The following VPS41 variants were observed in gnomAD, a reference collection of about 807,000 sequenced individuals.
The protein encoded by VPS41 is VPS41 subunit of HOPS complex, also known as vacuolar protein sorting-associated protein 41 homolog.
In VPS41, 85 loss-of-function variants were observed where a neutral mutation model predicts 130.9. The observed-to-expected ratio is 0.65, with a 90% CI of 0.55 to 0.78. VPS41 has a LOEUF of 0.78. Ranked by LOEUF, VPS41 falls within the 30% of genes least tolerant of loss-of-function variation. The pLI, the probability that VPS41 is intolerant of heterozygous loss-of-function variation, is 0.00. For missense variants in VPS41, 874 were observed against 1,018.7 expected (o/e 0.86, Z 1.93); for synonymous variants, 335 against 332.9 (o/e 1.01, Z -0.07).
At chr7:38,810,092 GTGCT>G (rs1409633469) in intron 7 of VPS41, among the ~76,000 whole-genome samples, 1 of 146,470 alleles carries the variant, frequency 6.8e-6, no homozygotes, top group Non-Finnish European at 1.5e-5. Context: ...TTTAAGAGAT[GTGCT>G]TTCTCTTTTT....
intron 1 of VPS41, among the ~76,000 whole-genome samples, chr7:38,905,021 A>G (rs1562631509): frequency 6.6e-6 from 1 of 152,208 alleles, no homozygotes; most frequent in Non-Finnish European, 1.5e-5. Flanking sequence ...ATCTGAATTA[A>G]TAACTTAAAA....
At chr7:38,903,333 G>T (rs756273796) in intron 1 of VPS41, among the ~76,000 whole-genome samples, 36 of 152,172 alleles carry the variant, frequency 2.4e-4, no homozygotes, top group Non-Finnish European at 4.3e-4. Context: ...TGGTGAAAAG[G>T]AAGACTGTCA....
intron 9 of VPS41, among the ~76,000 whole-genome samples, chr7:38,794,829 T>G (rs1042538214): frequency 1.3e-5 from 2 of 152,180 alleles, no homozygotes; most frequent in African/African-American, 2.4e-5. Flanking sequence ...GGAAACAACT[T>G]TTGGCTCTGA....
rs150088797 is a variant in VPS41 at position 38,873,172 on chromosome 7, A to C, written c.61-3919T>G. On this transcript the variant is annotated intron_variant, in intron 2 of 28. Coordinates refer to ENST00000310301, the MANE Select transcript of VPS41 (RefSeq NM_014396.4). The stretch of plus-strand genomic sequence containing the variant: ...GAAGCATCCTTACGGGGTTTCAAAA[A>C]CCATAAATAAAATGAAAACTCCAAT... Among the ~76,000 whole-genome samples the C allele has an allele frequency of 5.1e-3, 780 of 152,316 alleles. 7 individuals are homozygous for C. Among genetic ancestry groups the C allele is most frequent in the African/African-American group, 0.017 (703 of 41,576 alleles).
chr7:38,788,777 C>T (rs1474904118), intron 10 of VPS41, among the ~76,000 whole-genome samples: 1 of 151,910 alleles, frequency 6.6e-6, no homozygotes, highest in Admixed American at 6.6e-5. Flanking sequence ...TAGTTATACT[C>T]CTAAAGTTAA....
intron 22 of VPS41, chr7:38,746,081 G>C (rs1333803937): frequency 6.5e-6 from 1 of 153,212 alleles, no homozygotes; most frequent in Non-Finnish European, 1.5e-5. Context: ...CATGCTGCAT[G>C]AATGAACGAA....
At chr7:38,733,441 G>A (rs905385255) in intron 25 of VPS41, among the ~76,000 whole-genome samples, 2 of 152,102 alleles carry the variant, frequency 1.3e-5, no homozygotes, top group Admixed American at 1.3e-4. Context: ...TATGGAATTT[G>A]CAAATACATT....
chr7:38,732,517 C>A (rs1270328392), intron 25 of VPS41, among the ~76,000 whole-genome samples: 1 of 151,974 alleles, frequency 6.6e-6, no homozygotes, highest in Non-Finnish European at 1.5e-5. Context: ...ATGAAAAATT[C>A]TTTGGATATT....
Position 38,826,198 on chromosome 7 carries a change from G to A in VPS41, c.321+4056C>T, listed in dbSNP as rs140008839. Among the ~76,000 whole-genome samples the A allele has an allele frequency of 4.9e-3, 748 of 152,206 alleles. 4 individuals carry two copies. Among genetic ancestry groups the A allele is most frequent in the Non-Finnish European group, 8.4e-3 (568 of 68,012 alleles). On this transcript the variant is annotated intron_variant, in intron 5 of 28. Coordinates refer to ENST00000310301, the MANE Select transcript of VPS41 (RefSeq NM_014396.4). ...TTACGGGAAACTGAGCTCATTTTAGGGTCCCTGTTGCTGAACTAAGGGGAT... is the reference window on the plus strand; with the variant it reads ...TTACGGGAAACTGAGCTCATTTTAGAGTCCCTGTTGCTGAACTAAGGGGAT...
At chr7:38,898,168 A>T in intron 1 of VPS41, 39 bp from the exon 2 acceptor site, 1 of 1,561,832 alleles carries the variant, frequency 6.4e-7, no homozygotes, top group Non-Finnish European at 8.8e-7. Context: ...AGAAGAGATG[A>T]TAAAAGAATA....
At chr7:38,807,800 T>G (rs1246296053) in intron 7 of VPS41, among the ~76,000 whole-genome samples, 1 of 152,226 alleles carries the variant, frequency 6.6e-6, no homozygotes, top group Non-Finnish European at 1.5e-5. Context: ...ACCTCTGTGT[T>G]AATGAATCAG....
chr7:38,813,883 GA>G (rs936833792), intron 7 of VPS41, among the ~76,000 whole-genome samples: 1 of 150,766 alleles, frequency 6.6e-6, no homozygotes, highest in Non-Finnish European at 1.5e-5. Flanking sequence ...AACTGAATAG[GA>G]AAAAAAAATT....
intron 5 of VPS41, among the ~76,000 whole-genome samples, chr7:38,822,995 C>T (rs983682830): frequency 2.6e-5 from 4 of 152,272 alleles, no homozygotes; most frequent in African/African-American, 9.6e-5. Context: ...TGGTATTATT[C>T]TTCTTTAACT....
intron 9 of VPS41, among the ~76,000 whole-genome samples, chr7:38,791,099 C>T (rs992091315): frequency 6.6e-6 from 1 of 152,198 alleles, no homozygotes; most frequent in Non-Finnish European, 1.5e-5. Context: ...GAAGCCTCCA[C>T]ATAGAAGTGA....
intron 3 of VPS41, among the ~76,000 whole-genome samples, 198 bp from the exon 4 acceptor site, chr7:38,862,820 C>T (rs1405767003): frequency 2.0e-5 from 3 of 152,156 alleles, no homozygotes; most frequent in African/African-American, 7.2e-5. Context: ...TGTGATAGTG[C>T]AAGCCAGCTG....
intron 25 of VPS41, 48 bp from the exon 26 acceptor site, chr7:38,728,839 C>A (rs1220276528): frequency 6.5e-7 from 1 of 1,548,840 alleles, no homozygotes; most frequent in South Asian, 1.1e-5. Context: ...AGACTCAAAT[C>A]TGAGGGGTGA....
intron 4 of VPS41, among the ~76,000 whole-genome samples, chr7:38,854,750 G>T (rs893274207): frequency 4.0e-5 from 6 of 151,470 alleles, no homozygotes; most frequent in Non-Finnish European, 5.9e-5. Flanking sequence ...ATGATGCAGA[G>T]ATAAATTACA....
intron 1 of VPS41, among the ~76,000 whole-genome samples, chr7:38,908,583 A>G (rs2116473606): frequency 6.6e-6 from 1 of 152,224 alleles, no homozygotes; most frequent in Non-Finnish European, 1.5e-5. Context: ...CCCATCTCAC[A>G]CTGGAAAGTT....
chr7:38,777,075 T>C (rs1410273198), intron 10 of VPS41, among the ~76,000 whole-genome samples: 1 of 152,168 alleles, frequency 6.6e-6, no homozygotes, highest in Non-Finnish European at 1.5e-5. Flanking sequence ...TAAAATGACA[T>C]AGACTACATG....
Sources: allele counts gnomAD v4.1 joint callset (sites outside exome capture counted in the v4.1 genomes callset), GRCh38; gene constraint gnomAD v4.1.1; transcripts MANE v1.5; gene names NCBI Gene and HGNC (gene_info 2026-07-23, HGNC 2026-07-21).